The following ADGRD1 variants were observed in gnomAD, a reference collection of about 807,000 sequenced individuals.
ADGRD1 encodes the protein G-protein coupled receptor 133.
Under a neutral mutation model 113.4 loss-of-function variants are expected in ADGRD1, and 77 were observed. The observed-to-expected ratio is 0.68, with a 90% confidence interval of 0.57 to 0.82. The LOEUF is 0.82. Ranked by LOEUF, ADGRD1 falls within the 40% of genes least tolerant of loss-of-function variation. The probability of loss-of-function intolerance (pLI) is 0.00; values close to 1 mark genes in which losing one functional copy is unlikely to be tolerated. For missense variants in ADGRD1, 1,036 were observed against 1,139.1 expected (o/e 0.91, Z 1.30); for synonymous variants, 474 against 475.0 (o/e 1.00, Z 0.03).
chr12:131,015,386 T>G (rs1484719288), intron 13 of ADGRD1, among the ~76,000 whole-genome samples: 3 of 128,358 alleles, frequency 2.3e-5, no homozygotes, highest in African/African-American at 6.1e-5. Flanking sequence ...AATTGGAGAT[T>G]GAGATGGACA....
chr12:131,106,896 A>G (rs1950244418), intron 17 of ADGRD1, among the ~76,000 whole-genome samples: 1 of 152,200 alleles, frequency 6.6e-6, no homozygotes, highest in Admixed American at 6.5e-5. Flanking sequence ...ACCTCCCATG[A>G]GGATTCCTTA....
chr12:131,082,022 G>C (rs1245264339), intron 14 of ADGRD1, among the ~76,000 whole-genome samples: 1 of 151,978 alleles, frequency 6.6e-6, no homozygotes, highest in Non-Finnish European at 1.5e-5. Context: ...CTCTTATCCT[G>C]ATCTCCACCC....
intron 13 of ADGRD1, among the ~76,000 whole-genome samples, chr12:131,063,063 A>G (rs1309021427): frequency 6.6e-6 from 1 of 152,032 alleles, no homozygotes; most frequent in African/African-American, 2.4e-5. Context: ...TCTTTTGCCC[A>G]TTTTCTAATT....
At chr12:131,021,830 C>T (rs370486932) in intron 13 of ADGRD1, among the ~76,000 whole-genome samples, 145 of 152,270 alleles carry the variant, frequency 9.5e-4, no homozygotes, top group African/African-American at 3.5e-3. Flanking sequence ...CGTCAGCCTC[C>T]TGAGAATCTG....
Position 131,137,027 on chromosome 12 carries a change from T to C in ADGRD1, c.2436+13T>C. 6.2e-7 allele frequency: 1 copy of C among 1,607,586 alleles called. No homozygotes were observed. Among genetic ancestry groups the C allele is most frequent in the Non-Finnish European group, 8.5e-7 (1 of 1,173,998 alleles). Reference sequence around the variant, plus strand: ...CCTGAATTCAGAGGTACGTCCGCTCTGCTTGCTGGCAGGTGCAGGTGCAGC... The same window carrying C: ...CCTGAATTCAGAGGTACGTCCGCTCCGCTTGCTGGCAGGTGCAGGTGCAGC... On this transcript the variant is annotated intron_variant, in intron 23 of 24. Transcript: ENST00000261654.
chr12:130,992,120 CAAA>C (rs5801945), intron 7 of ADGRD1, 114 bp from the exon 8 acceptor site: 280,422 of 648,698 alleles, frequency 0.43, 26,316 homozygotes, highest in African/African-American at 0.46. Flanking sequence ...GACTCAGTCT[CAAA>C]AAAAAAAAAA....
At position 131,084,502 on chromosome 12, in the gene ADGRD1, G is replaced by A. The variant is rs750524833; in HGVS notation, c.1548-38G>A. On this transcript the variant is annotated intron_variant, in intron 14 of 24. Transcript: ENST00000261654. The surrounding 1 kb of genome is among the most constrained non-coding windows in gnomAD (Gnocchi z 4.5). ...TCAGTCCCCTGCCTGCCAAGGGTGC[G>A]GTGCTACCTCCTCTGATCCTTTCTC... 36 of 1,612,834 alleles carry A rather than the reference G, an allele frequency of 2.2e-5. No homozygotes were observed. The highest frequency in any genetic ancestry group is 1.6e-4 in the Middle Eastern group (1 of 6,082).
Position 131,003,084 on chromosome 12 carries a change from C to A in ADGRD1, c.1027-101C>A. 1.1e-6 allele frequency: 1 copy of A among 950,042 alleles called. No homozygotes were observed. Among genetic ancestry groups the A allele is most frequent in the Non-Finnish European group, 1.7e-6 (1 of 586,704 alleles). The allele number at this position is 950,042 out of a possible 1,614,324, so 58.9% of individuals were successfully genotyped here. On this transcript the variant is annotated intron_variant, in intron 9 of 24. Transcript: ENST00000261654. This position sits in a 1 kb window ranked among gnomAD's most constrained non-coding sequence, Gnocchi z 4.8. ...TGTGTGACTTCTTCCTCCCTCGTGG[C>A]CAACGTGGGGAAACTTGATTTTGTG...
Position 131,089,846 on chromosome 12 carries a change from C to T in ADGRD1, c.1671+5183C>T, listed in dbSNP as rs186656111. Among the ~76,000 whole-genome samples, 14 of 152,370 alleles carry T rather than the reference C, an allele frequency of 9.2e-5. No homozygotes were observed. In the East Asian group the frequency reaches 2.3e-3, roughly 25 times the overall value. The stretch of plus-strand genomic sequence containing the variant: ...CAGAGCCCAGCCTTGAGCCAAATCC[C>T]GAATGTTGGGGTTGTGCCCATGCTC... On this transcript the variant is annotated intron_variant, in intron 15 of 24. Coordinates refer to ENST00000261654, the MANE Select transcript of ADGRD1 (RefSeq NM_198827.5).
chr12:131,062,975 A>G (rs965162046), intron 13 of ADGRD1, among the ~76,000 whole-genome samples: 9 of 152,204 alleles, frequency 5.9e-5, no homozygotes, highest in African/African-American at 1.9e-4. Flanking sequence ...AATTTTCCCA[A>G]TGATGAGTGA....
intron 12 of ADGRD1, among the ~76,000 whole-genome samples, chr12:131,013,741 A>G (rs1217637856): frequency 6.6e-6 from 1 of 152,214 alleles, no homozygotes; most frequent in African/African-American, 2.4e-5. Flanking sequence ...CCACTGCACC[A>G]TCCTATAATC....
chr12:130,970,416 T>A (rs973325097), intron 3 of ADGRD1: 1 of 151,340 alleles, frequency 6.6e-6, no homozygotes, highest in Non-Finnish European at 1.5e-5. Flanking sequence ...TCAGCAAAAA[T>A]GGGATAAAAT....
chr12:131,041,600 G>A lies in ADGRD1; in HGVS notation c.1473+27260G>A, dbSNP rs1041009146. Among the ~76,000 whole-genome samples the A allele has an allele frequency of 6.6e-6, 1 of 152,228 alleles. No individual in the cohort carries two copies. The highest frequency in any genetic ancestry group is 1.5e-5 in the Non-Finnish European group (1 of 68,030). ...ACAGGAAAGCAAACATCCAGTTATA[G>A]CTGGAGAGGAAGGTGTGCAGCTTAA... On this transcript the variant is annotated intron_variant, in intron 13 of 24. Transcript: ENST00000261654. This position sits in a 1 kb window ranked among gnomAD's most constrained non-coding sequence, Gnocchi z 4.4.
intron 22 of ADGRD1, among the ~76,000 whole-genome samples, chr12:131,136,756 C>T (rs1365259148): frequency 2.0e-5 from 3 of 152,252 alleles, no homozygotes; most frequent in Admixed American, 1.3e-4. Context: ...CCACGCAGCA[C>T]CCCCTCTCTG....
Position 131,130,505 on chromosome 12 carries a change from T to C in ADGRD1, c.2176-1220T>C, listed in dbSNP as rs114195922. Among the ~76,000 whole-genome samples the C allele has an allele frequency of 7.3e-3, 1,116 of 152,318 alleles. 22 individuals are homozygous for C. The highest frequency in any genetic ancestry group is 0.025 in the African/African-American group (1,054 of 41,566). ...CGTGCAGACAGGGCCGGTCTCCTGC[T>C]GAGAGAGCCCTGGGCGGAGGGCTCC... On this transcript the variant is annotated intron_variant, in intron 20 of 24. Transcript: ENST00000261654.
At chr12:131,072,410 C>T (rs1207104522) in intron 13 of ADGRD1, among the ~76,000 whole-genome samples, 1 of 152,232 alleles carries the variant, frequency 6.6e-6, no homozygotes, top group African/African-American at 2.4e-5. Flanking sequence ...GTGGGTCTCT[C>T]TGACCCTGGT....
rs146840392 is a variant in ADGRD1 at position 131,111,630 on chromosome 12, T to C, written c.2041+2753T>C. Among the ~76,000 whole-genome samples the C allele has an allele frequency of 1.5e-3, 223 of 152,232 alleles. 1 individual carries two copies. Among genetic ancestry groups the C allele is most frequent in the African/African-American group, 5.3e-3 (220 of 41,560 alleles). ...TTCTTCATTGTTTTTTTTTTCTTTG[T>C]TCTTCAAATTGCGTAATCTTTCTTT... On this transcript the variant is annotated intron_variant, in intron 18 of 24. Transcript: ENST00000261654.
chr12:131,000,458 A>T lies in ADGRD1; in HGVS notation c.1026+16A>T. 1 of 1,598,962 alleles carries T rather than the reference A, an allele frequency of 6.3e-7. No individual in the cohort carries two copies. On this transcript the variant is annotated intron_variant, in intron 9 of 24. Coordinates refer to ENST00000261654, the MANE Select transcript of ADGRD1 (RefSeq NM_198827.5). ...TCTGTCAGAGGTAAGAGAAAAGAAC[A>T]TGGTCGGTCATGGTGGCTCATACCT...
At chr12:131,136,537 C>T (rs1429210690) in intron 22 of ADGRD1, among the ~76,000 whole-genome samples, 1 of 152,244 alleles carries the variant, frequency 6.6e-6, no homozygotes, top group East Asian at 1.9e-4. Context: ...GAACCAAAGA[C>T]TTGGGATGCG....
Sources: gnomAD v4.1 joint callset for allele counts (sites outside exome capture counted in the v4.1 genomes callset) on GRCh38, gnomAD v4.1.1 for gene constraint, Gnocchi (gnomAD v3.1) non-coding constraint, MANE v1.5 for transcripts, NCBI Gene and HGNC (gene_info 2026-07-23, HGNC 2026-07-21) for gene names.